SMG6: variants seen among roughly 807,000 people sequenced by gnomAD.
The protein encoded by SMG6 is telomerase-binding protein EST1A.
SMG6 carries 66 observed loss-of-function variants against 142.2 expected under a neutral mutation model. That is an observed-to-expected ratio of 0.46 (90% CI 0.38 to 0.57). The LOEUF (loss-of-function observed/expected upper bound fraction) is 0.57. Among genes scored for constraint, SMG6 ranks in the 20% least tolerant of loss-of-function variants. The pLI is 0.00. For synonymous variants in SMG6, 779 were observed against 702.4 expected (o/e 1.11, Z -1.72); for missense variants, 1,793 against 1,832.0 (o/e 0.98, Z 0.39).
intron 8 of SMG6, among the ~76,000 whole-genome samples, chr17:2,276,587 T>C (rs2074654427): frequency 6.6e-6 from 1 of 152,150 alleles, no homozygotes; most frequent in Non-Finnish European, 1.5e-5. Context: ...GGTTTCACTA[T>C]GTTGGTCAGG....
At chr17:2,083,698 C>A (rs1475797253) in intron 14 of SMG6, among the ~76,000 whole-genome samples, 1 of 152,344 alleles carries the variant, frequency 6.6e-6, no homozygotes, top group East Asian at 1.9e-4. Flanking sequence ...GGACAGAATG[C>A]CTGCCTAGCC....
intron 13 of SMG6, among the ~76,000 whole-genome samples, chr17:2,154,442 T>C (rs1313292872): frequency 6.6e-6 from 1 of 152,320 alleles, no homozygotes; most frequent in Non-Finnish European, 1.5e-5. Context: ...CAAAGATTTA[T>C]GTTGGAAAAA....
At chr17:2,101,103 T>C (rs1389397171) in intron 13 of SMG6, 1 of 152,044 alleles carries the variant, frequency 6.6e-6, no homozygotes, top group Non-Finnish European at 1.5e-5. Flanking sequence ...TACTACTATC[T>C]ATATATTTTT....
At position 2,299,361 on chromosome 17, in the gene SMG6, T is replaced by C. The variant is rs1184222762; in HGVS notation, c.1392A>G (p.Lys464=). The C allele has an allele frequency of 6.2e-7, 1 of 1,614,046 alleles. No homozygotes were observed. The highest frequency in any genetic ancestry group is 1.7e-5 in the Admixed American group (1 of 60,016). ...RLWDPNNPDQ[K]PALKTQTPQL... ...GGGGCGTCTGAGTCTTTAGAGCAGG[T>C]TTCTGATCAGGATTGTTTGGGTCCC... is the stretch of plus-strand genomic sequence containing the variant. The change falls in exon 2 of 19, where the codon AAA becomes AAG. Residue 464 remains lysine, a synonymous_variant. Transcript: ENST00000263073. This position sits in a 1 kb window ranked among gnomAD's most constrained non-coding sequence, Gnocchi z 4.3.
intron 8 of SMG6, among the ~76,000 whole-genome samples, chr17:2,255,429 A>T (rs2151322185): frequency 7.3e-6 from 1 of 137,880 alleles, no homozygotes; most frequent in African/African-American, 2.8e-5. Flanking sequence ...AAAAAAAAAA[A>T]GAATGTGATC....
rs186177712 is a variant in SMG6, at chr17:2,246,767, G to A, written c.2662-2048C>T. Among the ~76,000 whole-genome samples, 859 of 152,230 alleles carry A rather than the reference G, an allele frequency of 5.6e-3. 3 individuals carry two copies. The highest frequency in any genetic ancestry group is 1.0e-2 in the Non-Finnish European group (678 of 68,014). On this transcript the variant is annotated intron_variant, in intron 8 of 18. Coordinates refer to ENST00000263073, the MANE Select transcript of SMG6 (RefSeq NM_017575.5). Reference sequence around the variant, plus strand: ...TCAAGACCAGCCTGGCCAACACGGTGAAACCCCGTCTCTACTAAAAATACA... The same window carrying A: ...TCAAGACCAGCCTGGCCAACACGGTAAAACCCCGTCTCTACTAAAAATACA...
At position 2,191,739 on chromosome 17, in the gene SMG6, C is replaced by T. The variant is rs188731650; in HGVS notation, c.2870-3224G>A. 2.4e-3 allele frequency among the ~76,000 whole-genome samples: 367 copies of T among 152,258 alleles called. 1 individual carries two copies. Among genetic ancestry groups the T allele is most frequent in the African/African-American group, 8.0e-3 (332 of 41,550 alleles). ...TTATTCCTATGGCCAAATACCGGCT[C>T]GGACAGAAATATTCTTCTTGCTCCT... On this transcript the variant is annotated intron_variant, in intron 10 of 18. Transcript: ENST00000263073.
At chr17:2,102,556 G>A (rs1281193486) in intron 13 of SMG6, among the ~76,000 whole-genome samples, 3 of 82,720 alleles carry the variant, frequency 3.6e-5, no homozygotes, top group African/African-American at 1.2e-4. Flanking sequence ...TTTTTTTTTA[G>A]AGATGAGGTC....
Position 2,298,929 on chromosome 17 carries a change from G to T in SMG6, c.1824C>A (p.Gly608=). Residue 608 remains glycine, a synonymous_variant, in exon 2 of 19, where the codon GGC becomes GGA. Coordinates refer to ENST00000263073, the MANE Select transcript of SMG6 (RefSeq NM_017575.5). The part of the protein sequence containing the change: ...LLSRDRISPE[G]LEKMAQLRAE... ...ACCTGAGTTGCGCCATCTTCTCCAG[G>T]CCCTCCGGACTGATGCGGTCCCTGG... 6.2e-7 allele frequency: 1 copy of T among 1,613,738 alleles called. No individual in the cohort carries two copies. The highest frequency in any genetic ancestry group is 8.5e-7 in the Non-Finnish European group (1 of 1,179,838).
intron 13 of SMG6, among the ~76,000 whole-genome samples, chr17:2,170,719 CAA>C (rs2071477952): frequency 6.6e-6 from 1 of 152,172 alleles, no homozygotes; most frequent in Admixed American, 6.5e-5. Flanking sequence ...TAAGTGCATC[CAA>C]AGAGTATGAG....
Position 2,292,893 on chromosome 17 carries a change from C to T in SMG6, c.2236G>A (p.Ala746Thr), listed in dbSNP as rs2075069745. 1.2e-6 allele frequency: 2 copies of T among 1,614,082 alleles called. No individual in the cohort carries two copies. The highest frequency in any genetic ancestry group is 4.5e-5 in the East Asian group (2 of 44,888). ...TACCTGCGTGCTTTCCCATAATTCG[C>T]TGTATCACTGGCTTGCTCCCGGTAC... ...ARYREQASDT[A>T]NYGKARSWYL... Residue 746 changes from alanine (A) to threonine (T), a missense_variant, in exon 5 of 19, where the codon GCG becomes ACG. Around this residue, in one of 3 missense-constraint regions of SMG6, gnomAD observed 1,597 missense variants for 1,584.6 expected, o/e 1.01. Coordinates refer to ENST00000263073, the MANE Select transcript of SMG6 (RefSeq NM_017575.5).
At chr17:2,296,054 C>G (rs928980482) in intron 4 of SMG6, among the ~76,000 whole-genome samples, 4 of 152,232 alleles carry the variant, frequency 2.6e-5, no homozygotes, top group Non-Finnish European at 4.4e-5. Flanking sequence ...CCCATTCAAA[C>G]TCACCAATTT....
At position 2,303,699 on chromosome 17, in the gene SMG6, C is replaced by G; in HGVS notation, c.22G>C (p.Val8Leu). 6.7e-7 allele frequency: 1 copy of G among 1,496,956 alleles called. No homozygotes were observed. Among genetic ancestry groups the G allele is most frequent in the Non-Finnish European group, 8.9e-7 (1 of 1,129,464 alleles). 92.7% of individuals were successfully genotyped at this position (1,496,956 alleles called of 1,614,324 possible). The part of the protein sequence containing the change: MAEGLER[V>L]RISASELRGI... The stretch of plus-strand genomic sequence containing the variant: ...CGCAGCTCCGACGCGGAGATCCGCA[C>G]ACGCTCCAGCCCTTCCGCCATCTTC... The change falls in exon 1 of 19, where the codon GTG (valine) becomes CTG (leucine). Residue 8 changes from valine (V) to leucine (L), a missense_variant. Val to Leu is a conservative substitution (Grantham distance 32, BLOSUM62 1). Coordinates refer to ENST00000263073, the MANE Select transcript of SMG6 (RefSeq NM_017575.5).
intron 10 of SMG6, among the ~76,000 whole-genome samples, chr17:2,231,501 G>A (rs898768994): frequency 6.6e-5 from 10 of 152,146 alleles, no homozygotes; most frequent in East Asian, 5.8e-4. Flanking sequence ...TTCGAGACCA[G>A]CCTGGCCAAC....
chr17:2,177,963 A>G (rs1382027642), intron 12 of SMG6, among the ~76,000 whole-genome samples: 1 of 152,192 alleles, frequency 6.6e-6, no homozygotes, highest in Non-Finnish European at 1.5e-5. Context: ...AGGCTAACAT[A>G]AGACCACTGT....
chr17:2,130,698 A>C (rs2070092211), intron 13 of SMG6, among the ~76,000 whole-genome samples: 1 of 151,654 alleles, frequency 6.6e-6, no homozygotes, highest in Non-Finnish European at 1.5e-5. Flanking sequence ...TTTTTCATGT[A>C]AAATTGCAAT....
chr17:2,165,032 T>C (rs1424764864), intron 13 of SMG6, among the ~76,000 whole-genome samples: 3 of 152,116 alleles, frequency 2.0e-5, no homozygotes, highest in Non-Finnish European at 4.4e-5. Flanking sequence ...GACATAAACC[T>C]CTTTGGGGTG....
intron 13 of SMG6, among the ~76,000 whole-genome samples, chr17:2,114,139 G>A (rs1303894586): frequency 1.3e-5 from 2 of 152,004 alleles, no homozygotes; most frequent in South Asian, 2.1e-4. Context: ...GCACGGTGGC[G>A]CATGCCTGTA....
chr17:2,126,364 A>C (rs184533041), intron 13 of SMG6, among the ~76,000 whole-genome samples: 1 of 152,338 alleles, frequency 6.6e-6, no homozygotes, highest in Admixed American at 6.5e-5. Flanking sequence ...CATAAGGGAA[A>C]ATCTTTATGA....
Sources: allele counts gnomAD v4.1 joint callset (sites outside exome capture counted in the v4.1 genomes callset), GRCh38; gene constraint gnomAD v4.1.1; regional missense constraint gnomAD v4.1.1; non-coding constraint Gnocchi (gnomAD v3.1); transcripts MANE v1.5; gene names NCBI Gene and HGNC (gene_info 2026-07-23, HGNC 2026-07-21).